Variants in RALYL observed in about 807,000 individuals in gnomAD.
RALYL encodes RNA-binding Raly-like protein.
Under a neutral mutation model 35.1 loss-of-function variants are expected in RALYL, and 29 were observed. The observed-to-expected ratio is 0.83, with a 90% CI of 0.61 to 1.13. The LOEUF (loss-of-function observed/expected upper bound fraction) is 1.13, where lower values mean the gene tolerates loss of function less well. Among genes scored for constraint, RALYL ranks in the 50% most tolerant of loss-of-function variants. RALYL has a pLI of 0.00. For synonymous variants in RALYL, 120 were observed against 127.6 expected, an observed-to-expected ratio of 0.94 and a Z score of 0.40; for missense variants, 359 against 360.4, an observed-to-expected ratio of 1.00 and a Z score of 0.03.
intron 1 of RALYL, among the ~76,000 whole-genome samples, chr8:84,252,589 A>G (rs1830411528): frequency 6.6e-6 from 1 of 152,126 alleles, no homozygotes; most frequent in Non-Finnish European, 1.5e-5. Flanking sequence ...ACAACAGGCC[A>G]TTTAGGGTCA....
In RALYL at chr8:84,799,394, T is replaced by C. The variant is rs561585856; in HGVS notation, c.333-5376T>C. 7.9e-5 allele frequency among the ~76,000 whole-genome samples: 12 copies of C among 152,310 alleles called. No individual in the cohort carries two copies. The South Asian group carries it at 2.5e-3, about 32-fold the overall frequency. ...TTTGTATTTTAGAAATTTAATTCTG[T>C]TAGTAGATATGGCAACACCAAAGAA... On this transcript the variant is annotated intron_variant, in intron 3 of 8. Coordinates refer to ENST00000521268, the MANE Select transcript of RALYL (RefSeq NM_173848.7).
At chr8:84,541,809 T>C (rs2060034172) in intron 2 of RALYL, among the ~76,000 whole-genome samples, 1 of 152,144 alleles carries the variant, frequency 6.6e-6, no homozygotes, top group African/African-American at 2.4e-5. Context: ...GATATATCTA[T>C]ATCTTTAGTA....
At chr8:84,200,913 A>C (rs2131002185) in intron 1 of RALYL, among the ~76,000 whole-genome samples, 1 of 152,296 alleles carries the variant, frequency 6.6e-6, no homozygotes, top group African/African-American at 2.4e-5. Context: ...TGTTCACATT[A>C]TTTCATGAAT....
chr8:84,657,595 A>G (rs1318085612), intron 2 of RALYL, among the ~76,000 whole-genome samples: 1 of 152,208 alleles, frequency 6.6e-6, no homozygotes, highest in African/African-American at 2.4e-5. Context: ...CCTTCAGTAG[A>G]TTTCTACAAG....
intron 2 of RALYL, among the ~76,000 whole-genome samples, chr8:84,581,985 T>C (rs184813768): frequency 1.7e-3 from 257 of 152,298 alleles, no homozygotes; most frequent in African/African-American, 5.8e-3. Context: ...AGTCTGAGAC[T>C]AATTAAAATC....
At chr8:84,729,186 T>C (rs1467615869) in intron 2 of RALYL, among the ~76,000 whole-genome samples, 2 of 152,112 alleles carry the variant, frequency 1.3e-5, no homozygotes, top group Non-Finnish European at 2.9e-5. Flanking sequence ...GAAGAGGTCC[T>C]TCACATCCCT....
At chr8:84,494,283 A>ATATGT in intron 1 of RALYL, among the ~76,000 whole-genome samples, 1 of 152,248 alleles carries the variant, frequency 6.6e-6, no homozygotes, top group Non-Finnish European at 1.5e-5. Context: ...TTGTACCAGC[A>ATATGT]CTATGCTGTT....
chr8:84,558,526 A>T (rs1054840589), intron 2 of RALYL, among the ~76,000 whole-genome samples: 2 of 152,078 alleles, frequency 1.3e-5, no homozygotes, highest in African/African-American at 4.8e-5. Flanking sequence ...TTTTAAAAAA[A>T]TTGTTGTGGA....
intron 7 of RALYL, among the ~76,000 whole-genome samples, chr8:84,879,475 C>T (rs1177537765): frequency 1.3e-5 from 2 of 152,060 alleles, no homozygotes; most frequent in Non-Finnish European, 2.9e-5. Context: ...CAATATGATT[C>T]TCTAGAGAGA....
intron 1 of RALYL, among the ~76,000 whole-genome samples, chr8:84,476,794 G>A (rs1386401207): frequency 1.3e-5 from 2 of 152,188 alleles, no homozygotes; most frequent in Non-Finnish European, 2.9e-5. Context: ...GATGCGGAAA[G>A]GAGCACAACA....
At chr8:84,783,500 T>G (rs1013530752) in intron 3 of RALYL, among the ~76,000 whole-genome samples, 2 of 152,216 alleles carry the variant, frequency 1.3e-5, no homozygotes, top group Non-Finnish European at 2.9e-5. Context: ...TTGTCATAGA[T>G]CCTTCATTCT....
rs1850176236 is a variant in RALYL at position 84,348,016 on chromosome 8, C to T, written c.-24+163592C>T. On this transcript the variant is annotated intron_variant, in intron 1 of 8. Coordinates refer to ENST00000521268, the MANE Select transcript of RALYL (RefSeq NM_173848.7). ...AAGTTTAGCATTTGCTTTTTTTGGG[C>T]ATGGTGGGACAAGACATTTGCCTTA... Among the ~76,000 whole-genome samples the T allele has an allele frequency of 2.0e-5, 3 of 151,962 alleles. No homozygotes were observed. In the South Asian group the frequency reaches 6.2e-4, roughly 32 times the overall value.
At chr8:84,251,639 C>G (rs532866601) in intron 1 of RALYL, among the ~76,000 whole-genome samples, 1 of 152,038 alleles carries the variant, frequency 6.6e-6, no homozygotes, top group South Asian at 2.1e-4. Context: ...ATGACATTTT[C>G]TTTTATGGTG....
At chr8:84,701,588 C>T (rs1482018293) in intron 2 of RALYL, among the ~76,000 whole-genome samples, 1 of 152,120 alleles carries the variant, frequency 6.6e-6, no homozygotes, top group Non-Finnish European at 1.5e-5. Flanking sequence ...TACATTTGAT[C>T]TTCTGGAAAT....
At chr8:84,549,704 G>A (rs1313200583) in intron 2 of RALYL, among the ~76,000 whole-genome samples, 2 of 152,178 alleles carry the variant, frequency 1.3e-5, no homozygotes, top group African/African-American at 4.8e-5. Flanking sequence ...GTCCTTAACT[G>A]CAACTCCCTT....
intron 2 of RALYL, chr8:84,679,466 G>A: frequency 6.4e-6 from 2 of 314,494 alleles, no homozygotes; most frequent in South Asian, 6.0e-5. Context: ...TTAGGTGGTT[G>A]CTAAATAGGA....
At chr8:84,784,699 T>A (rs1033239785) in intron 3 of RALYL, among the ~76,000 whole-genome samples, 1 of 152,160 alleles carries the variant, frequency 6.6e-6, no homozygotes, top group Non-Finnish European at 1.5e-5. Context: ...AACTGTTTGG[T>A]GTCTTTGTGA....
In RALYL at chr8:84,888,214, C is replaced by G. The variant is rs1011487273; in HGVS notation, c.858+438C>G. On this transcript the variant is annotated intron_variant, in intron 8 of 8. Transcript: ENST00000521268. ...GGCCAACAGTCTTGTCTACAGTGTG[C>G]TCCCTAAGATGACACTTTGGTAGAT... Among the ~76,000 whole-genome samples, 5 of 152,316 alleles carry G rather than the reference C, an allele frequency of 3.3e-5. No homozygotes were observed. The East Asian group carries it at 9.7e-4, about 29-fold the overall frequency.
intron 2 of RALYL, among the ~76,000 whole-genome samples, chr8:84,738,563 TG>T (rs1358839103): frequency 6.6e-6 from 1 of 152,030 alleles, no homozygotes; most frequent in East Asian, 1.9e-4. Context: ...TCTTTCTATA[TG>T]GGAAAATAAG....
Sources: gnomAD v4.1 joint callset for allele counts (sites outside exome capture counted in the v4.1 genomes callset) on GRCh38, gnomAD v4.1.1 for gene constraint, MANE v1.5 for transcripts, NCBI Gene and HGNC (gene_info 2026-07-23, HGNC 2026-07-21) for gene names.